Variants in ANO4 observed in about 807,000 individuals in gnomAD.
ANO4 encodes the protein anoctamin 4, also known as anoctamin-4.
A neutral mutation model predicts 141.9 loss-of-function variants in ANO4; 69 were observed. The observed-to-expected ratio is 0.49, with a 90% confidence interval of 0.40 to 0.59. ANO4 has a LOEUF of 0.59. Among genes scored for constraint, ANO4 ranks in the 20% least tolerant of loss-of-function variants. ANO4 has a pLI of 0.00. For synonymous variants in ANO4, 350 were observed against 394.3 expected (o/e 0.89, Z 1.33); for missense variants, 894 against 1,162.2 (o/e 0.77, Z 3.36).
At chr12:100,866,883 T>G (rs942176709) in intron 1 of ANO4, among the ~76,000 whole-genome samples, 1 of 152,212 alleles carries the variant, frequency 6.6e-6, no homozygotes, top group Non-Finnish European at 1.5e-5. Flanking sequence ...AAATGCTTTT[T>G]GAATGCATAT....
chr12:100,985,282 GC>G (rs1396773642), intron 7 of ANO4, among the ~76,000 whole-genome samples: 2 of 152,052 alleles, frequency 1.3e-5, no homozygotes, highest in African/African-American at 2.4e-5. Flanking sequence ...GAATTAAAAA[GC>G]AAAAAACAGA....
chr12:101,094,242 A>C lies in ANO4; in HGVS notation c.1702-14A>C. ...TGCAGTTCATTTATTAAATGCATGA[A>C]ATTTATTTTACAGCTCTATGAAAAA... On this transcript the variant is annotated splice_polypyrimidine_tract_variant and intron_variant, in intron 17 of 27. Coordinates refer to ENST00000392977, the MANE Select transcript of ANO4 (RefSeq NM_001286615.2). 1.2e-6 allele frequency: 2 copies of C among 1,606,306 alleles called. No homozygotes were observed. Among genetic ancestry groups the C allele is most frequent in the East Asian group, 4.5e-5 (2 of 44,738 alleles).
At chr12:100,971,258 G>C (rs1316696070) in intron 5 of ANO4, 48 bp from the exon 6 acceptor site, 2 of 1,369,326 alleles carry the variant, frequency 1.5e-6, no homozygotes, top group Non-Finnish European at 2.1e-6. Context: ...CTTAAACTGT[G>C]GGAGCCTTGA....
chr12:100,739,135 A>C (rs1441126889), intron 2 of ANO4, among the ~76,000 whole-genome samples: 1 of 148,104 alleles, frequency 6.8e-6, no homozygotes, highest in Non-Finnish European at 1.5e-5. Context: ...ATGTAAATTA[A>C]TCCTTATAAT....
chr12:101,123,110 C>G (rs926091996), intron 26 of ANO4, among the ~76,000 whole-genome samples: 1 of 152,170 alleles, frequency 6.6e-6, no homozygotes, highest in African/African-American at 2.4e-5. Context: ...TGCCTCTCGG[C>G]TTGGATCTAA....
intron 3 of ANO4, among the ~76,000 whole-genome samples, chr12:100,928,675 G>C (rs1007456660): frequency 6.6e-6 from 1 of 152,122 alleles, no homozygotes; most frequent in Non-Finnish European, 1.5e-5. Flanking sequence ...CAAGGCTAAT[G>C]AATGAGCAAA....
At chr12:100,840,852 A>G (rs1260928404) in intron 1 of ANO4, among the ~76,000 whole-genome samples, 1 of 152,120 alleles carries the variant, frequency 6.6e-6, no homozygotes, top group Non-Finnish European at 1.5e-5. Flanking sequence ...ATGGAATGTT[A>G]ATTATTTCCT....
At chr12:100,813,986 A>G (rs1288975799) in intron 1 of ANO4, among the ~76,000 whole-genome samples, 2 of 152,102 alleles carry the variant, frequency 1.3e-5, no homozygotes, top group Non-Finnish European at 2.9e-5. Flanking sequence ...ATGGCTCTCA[A>G]TCAGTCCTCT....
intron 1 of ANO4, among the ~76,000 whole-genome samples, chr12:100,723,856 C>T (rs1366911859): frequency 6.6e-6 from 1 of 152,134 alleles, no homozygotes; most frequent in Non-Finnish European, 1.5e-5. Flanking sequence ...ACACATTCAG[C>T]TCACAATAAG....
At chr12:101,072,506 A>G (rs2048854273) in intron 14 of ANO4, among the ~76,000 whole-genome samples, 1 of 152,224 alleles carries the variant, frequency 6.6e-6, no homozygotes, top group Non-Finnish European at 1.5e-5. Context: ...AACCTAGGCA[A>G]CATCATTCAG....
chr12:100,959,435 C>G (rs767407433), intron 5 of ANO4, among the ~76,000 whole-genome samples: 1 of 152,128 alleles, frequency 6.6e-6, no homozygotes, highest in Non-Finnish European at 1.5e-5. Context: ...AATGACCACT[C>G]CGTTTCTCTT....
intron 2 of ANO4, 37 bp from the exon 3 acceptor site, chr12:100,922,189 C>A: frequency 6.9e-7 from 1 of 1,439,894 alleles, no homozygotes; most frequent in East Asian, 2.5e-5. Flanking sequence ...TCTCTGATAA[C>A]CAGTGCAAAC....
At chr12:101,071,561 G>A (rs1218705864) in intron 14 of ANO4, among the ~76,000 whole-genome samples, 1 of 151,776 alleles carries the variant, frequency 6.6e-6, no homozygotes, top group East Asian at 1.9e-4. Context: ...GGGGGTGGAG[G>A]GCTGAAGAGG....
At chr12:101,005,809 A>G (rs1027485377) in intron 8 of ANO4, among the ~76,000 whole-genome samples, 8 of 152,198 alleles carry the variant, frequency 5.3e-5, no homozygotes, top group Non-Finnish European at 1.0e-4. Flanking sequence ...TAGATAGTTT[A>G]AGATTGGTGG....
At chr12:101,020,256 C>A in intron 9 of ANO4, 116 bp downstream of exon 9, 1 of 668,024 alleles carries the variant, frequency 1.5e-6, no homozygotes, top group South Asian at 2.0e-5. Context: ...TATAAAACCC[C>A]TAACTAATCC....
chr12:101,094,196 G>A (rs2049887626), intron 17 of ANO4, 60 bp from the exon 18 acceptor site: 6 of 1,357,214 alleles, frequency 4.4e-6, no homozygotes, highest in Non-Finnish European at 6.3e-6. Context: ...TTTCCTTTGT[G>A]ATTATAGATT....
At chr12:101,097,050 G>T (rs1326091061) in intron 19 of ANO4, among the ~76,000 whole-genome samples, 2 of 152,036 alleles carry the variant, frequency 1.3e-5, no homozygotes, top group Non-Finnish European at 2.9e-5. Context: ...GACAGGAAAG[G>T]GGGCAAAAAT....
At chr12:100,810,983 C>A (rs147944363) in intron 1 of ANO4, among the ~76,000 whole-genome samples, 1 of 152,062 alleles carries the variant, frequency 6.6e-6, no homozygotes, top group Admixed American at 6.6e-5. Context: ...ATCAGAAGTA[C>A]GTAAATGGTG....
chr12:100,880,108 A>G (rs968971939), intron 1 of ANO4, among the ~76,000 whole-genome samples: 3 of 152,180 alleles, frequency 2.0e-5, no homozygotes, highest in Non-Finnish European at 4.4e-5. Flanking sequence ...TAGCATGGCT[A>G]TAGGAAGAAG....
Sources: allele counts gnomAD v4.1 joint callset (sites outside exome capture counted in the v4.1 genomes callset), GRCh38; gene constraint gnomAD v4.1.1; transcripts MANE v1.5; gene names NCBI Gene and HGNC (gene_info 2026-07-23, HGNC 2026-07-21).